Variants in EPHB2 observed in about 807,000 individuals in gnomAD.
EPHB2 encodes the protein EPH receptor B2, also known as ephrin type-B receptor 2.
In EPHB2, 18 loss-of-function variants were observed where a neutral mutation model predicts 96.4. The observed-to-expected ratio is 0.19, with a 90% CI of 0.13 to 0.28. The LOEUF (loss-of-function observed/expected upper bound fraction) is 0.28, where lower values mean the gene tolerates loss of function less well. Ranked by LOEUF, EPHB2 falls within the 10% of genes least tolerant of loss-of-function variation. EPHB2 has a pLI of 1.00. For missense variants in EPHB2, 989 were observed against 1,355.4 expected (o/e 0.73, Z 4.25); for synonymous variants, 506 against 534.1 (o/e 0.95, Z 0.72).
At chr1:22,831,881 A>G (rs529634338) in intron 3 of EPHB2, among the ~76,000 whole-genome samples, 23 of 152,212 alleles carry the variant, frequency 1.5e-4, no homozygotes, top group Admixed American at 8.5e-4. Context: ...AGAGGGAGCT[A>G]TCCACCCCCC....
Position 22,784,492 on chromosome 1 carries a change from A to G in EPHB2, c.227A>G (p.Lys76Arg), listed in dbSNP as rs1414024262. The change falls in exon 3 of 16, where the codon AAG becomes AGG. Residue 76 changes from lysine (K) to arginine (R), a missense_variant. By Grantham distance (26) the Lys-to-Arg change is conservative (BLOSUM62 2). Coordinates refer to ENST00000374630, the MANE Select transcript of EPHB2 (RefSeq NM_017449.5). This position sits in a 1 kb window ranked among gnomAD's most constrained non-coding sequence, Gnocchi z 5.1. ...AGCCAGAACAACTGGCTACGGACCA[A>G]GTTTATCCGGCGCCGTGGCGCCCAC... The part of the protein sequence containing the change: ...ESSQNNWLRT[K>R]FIRRRGAHRI... 1 of 1,613,792 alleles carries G rather than the reference A, an allele frequency of 6.2e-7. No homozygotes were observed. Among genetic ancestry groups the G allele is most frequent in the African/African-American group, 1.3e-5 (1 of 74,950 alleles).
intron 6 of EPHB2, among the ~76,000 whole-genome samples, chr1:22,889,636 C>T (rs533587401): frequency 6.6e-6 from 1 of 152,096 alleles, no homozygotes; most frequent in Non-Finnish European, 1.5e-5. Context: ...TTTGGACCCA[C>T]AACCCCTGGC....
intron 1 of EPHB2, among the ~76,000 whole-genome samples, chr1:22,753,087 G>C (rs2148382358): frequency 6.6e-6 from 1 of 152,128 alleles, no homozygotes; most frequent in Admixed American, 6.5e-5. Context: ...GGCCCAGGCT[G>C]ATATTTTGTT....
intron 1 of EPHB2, among the ~76,000 whole-genome samples, chr1:22,724,292 T>G (rs1488432182): frequency 1.3e-5 from 2 of 152,196 alleles, no homozygotes; most frequent in Non-Finnish European, 2.9e-5. Flanking sequence ...CTGAACCATT[T>G]GTACATAATT....
Position 22,892,746 on chromosome 1 carries a change from G to A in EPHB2, c.1429-138G>A. On this transcript the variant is annotated intron_variant, in intron 6 of 15. Transcript: ENST00000374630. ...TGGCAAAAGGCATAATTCTATTAAA[G>A]GGAGGGGATGAAGAATTGGGAACCA... is the stretch of plus-strand genomic sequence containing the variant. The A allele has an allele frequency of 2.8e-6, 3 of 1,078,952 alleles. No homozygotes were observed. In the East Asian group the frequency reaches 7.1e-5, roughly 25 times the overall value. 66.8% of individuals were successfully genotyped at this position (1,078,952 alleles called of 1,614,324 possible).
chr1:22,722,783 C>G (rs899910174), intron 1 of EPHB2, among the ~76,000 whole-genome samples: 1 of 152,204 alleles, frequency 6.6e-6, no homozygotes, highest in Admixed American at 6.5e-5. Context: ...AACAGTGTTA[C>G]CTTGGCCCTC....
At position 22,914,074 on chromosome 1, in the gene EPHB2, G is replaced by T. The variant is rs1640201545; in HGVS notation, c.*504G>T. The T allele has an allele frequency of 3.3e-6, 2 of 606,928 alleles. No homozygotes were observed. Among genetic ancestry groups the T allele is most frequent in the South Asian group, 2.6e-5 (1 of 39,164 alleles). The allele number at this position is 606,928 out of a possible 1,614,324, so 37.6% of individuals were successfully genotyped here. A position where few individuals can be genotyped will look rare whatever the true frequency, so the allele number is the denominator to read the frequency against. ...TCAACAACCAAGCGCCTGGAGGACG[G>T]GACAGATGGACAGACAGCCACCCTG... On this transcript the variant is annotated 3_prime_UTR_variant, in exon 16 of 16. Transcript: ENST00000374630.
At chr1:22,841,331 CTTG>C (rs1332966444) in intron 3 of EPHB2, among the ~76,000 whole-genome samples, 1 of 152,166 alleles carries the variant, frequency 6.6e-6, no homozygotes, top group Non-Finnish European at 1.5e-5. Flanking sequence ...TAAATGGCCT[CTTG>C]TTGTTCCTGT....
intron 6 of EPHB2, among the ~76,000 whole-genome samples, chr1:22,884,125 G>T (rs2148553928): frequency 6.6e-6 from 1 of 152,310 alleles, no homozygotes; most frequent in East Asian, 1.9e-4. Flanking sequence ...GGCGGAGGGT[G>T]CCTGTGTCTC....
chr1:22,910,258 A>G, intron 13 of EPHB2, 124 bp from the exon 14 acceptor site: 1 of 1,256,594 alleles, frequency 8.0e-7, no homozygotes, highest in Non-Finnish European at 1.1e-6. Flanking sequence ...CAGGAGGTGA[A>G]AGTGGTTGCC....
intron 1 of EPHB2, among the ~76,000 whole-genome samples, chr1:22,773,063 A>G (rs531327223): frequency 6.6e-6 from 1 of 152,310 alleles, no homozygotes; most frequent in South Asian, 2.1e-4. Context: ...GGTGGCCTCC[A>G]CCACCTTTCC....
intron 3 of EPHB2, among the ~76,000 whole-genome samples, chr1:22,843,226 T>G (rs1645494276): frequency 6.6e-6 from 1 of 152,218 alleles, no homozygotes; most frequent in African/African-American, 2.4e-5. Context: ...GTCCCCATTT[T>G]ACACCTGAGG....
intron 1 of EPHB2, among the ~76,000 whole-genome samples, chr1:22,751,013 T>A (rs1348067778): frequency 2.0e-5 from 3 of 152,222 alleles, no homozygotes; most frequent in Non-Finnish European, 2.9e-5. Flanking sequence ...GTAGCCTGAT[T>A]TTTTCCTTTA....
chr1:22,782,866 T>G (rs900390375), intron 2 of EPHB2, among the ~76,000 whole-genome samples: 31 of 152,088 alleles, frequency 2.0e-4, no homozygotes, highest in African/African-American at 6.8e-4. Flanking sequence ...GCCCTCCCCA[T>G]GTGTACTCAC....
intron 1 of EPHB2, among the ~76,000 whole-genome samples, chr1:22,742,998 C>T (rs1643923211): frequency 6.6e-6 from 1 of 151,642 alleles, no homozygotes; most frequent in Admixed American, 6.6e-5. Context: ...CTCAAGCGAT[C>T]CTCCCACTTC....
chr1:22,710,903 C>T lies in EPHB2; in HGVS notation c.-80C>T, dbSNP rs1445813785. On this transcript the variant is annotated 5_prime_UTR_variant, in exon 1 of 16. Transcript: ENST00000374630. Reference sequence around the variant, plus strand: ...CGCGCCTTGCCGCCCCCCCTGGCCCCCCGAGCCCGGGGCGCGCGCTCCCGC... The same window carrying T: ...CGCGCCTTGCCGCCCCCCCTGGCCCTCCGAGCCCGGGGCGCGCGCTCCCGC... 6.8e-6 allele frequency: 1 copy of T among 146,290 alleles called. No individual in the cohort carries two copies. Among genetic ancestry groups the T allele is most frequent in the Non-Finnish European group, 1.5e-5 (1 of 65,746 alleles). The allele number at this position is 146,290 out of a possible 1,614,324, so 9.1% of individuals were successfully genotyped here.
At chr1:22,872,465 C>T (rs1171198675) in intron 5 of EPHB2, among the ~76,000 whole-genome samples, 1 of 152,178 alleles carries the variant, frequency 6.6e-6, no homozygotes, top group East Asian at 1.9e-4. Context: ...TTCACAGATC[C>T]CGGGAATTAA....
In EPHB2 at chr1:22,788,761, T is replaced by G. The variant is rs1348531663; in HGVS notation, c.811+3685T>G. The stretch of plus-strand genomic sequence containing the variant: ...TTTTGTCTTTTGTTTTTGTTTTTTT[T>G]TTTTTTTTTTTGTGACAGGGTCTCA... On this transcript the variant is annotated intron_variant, in intron 3 of 15. Transcript: ENST00000374630. Among the ~76,000 whole-genome samples the G allele has an allele frequency of 2.7e-4, 41 of 150,934 alleles. No individual in the cohort carries two copies. In the South Asian group the frequency reaches 4.2e-3, roughly 15 times the overall value.
Position 22,775,353 on chromosome 1 carries a change from C to T in EPHB2, c.62-6068C>T, listed in dbSNP as rs188139888. 649 of 734,892 alleles carry T rather than the reference C, an allele frequency of 8.8e-4. 4 individuals are homozygous for T. The highest frequency in any genetic ancestry group is 8.4e-3 in the South Asian group (584 of 69,464). 45.5% of individuals were successfully genotyped at this position (734,892 alleles called of 1,614,324 possible). A position where few individuals can be genotyped will look rare whatever the true frequency, so the allele number is the denominator to read the frequency against. ...ATGGCATTTAGAGGGCCCTGGCCAG[C>T]GCTTGGCATGTATAGGTGCTTAATG... On this transcript the variant is annotated intron_variant, in intron 1 of 15. Transcript: ENST00000374630.
Sources: gnomAD v4.1 joint callset for allele counts (sites outside exome capture counted in the v4.1 genomes callset) on GRCh38, gnomAD v4.1.1 for gene constraint, Gnocchi (gnomAD v3.1) non-coding constraint, MANE v1.5 for transcripts, NCBI Gene and HGNC (gene_info 2026-07-23, HGNC 2026-07-21) for gene names.